The following CORO1C variants were observed in gnomAD, a reference collection of about 807,000 sequenced individuals.
CORO1C encodes the protein coronin-1C.
Under a neutral mutation model 51.2 loss-of-function variants are expected in CORO1C, and 14 were observed. The ratio of observed to expected loss-of-function variants is 0.27; its 90% CI spans 0.18 to 0.43. CORO1C has a LOEUF of 0.43. Among genes scored for constraint, CORO1C ranks in the 20% least tolerant of loss-of-function variants. The pLI, the probability that CORO1C is intolerant of heterozygous loss-of-function variation, is 1.00. For missense variants in CORO1C, 417 were observed against 607.8 expected (o/e 0.69, Z 3.30); for synonymous variants, 181 against 210.5 (o/e 0.86, Z 1.21).
intron 1 of CORO1C, among the ~76,000 whole-genome samples, chr12:108,724,836 C>T (rs2035550397): frequency 6.6e-6 from 1 of 152,172 alleles, no homozygotes. Context: ...ATTAATTACT[C>T]ATTACTGCAG....
intron 2 of CORO1C, among the ~76,000 whole-genome samples, chr12:108,690,461 G>A (rs188799796): frequency 8.0e-4 from 122 of 152,300 alleles, no homozygotes; most frequent in African/African-American, 2.8e-3. Context: ...AATAATTTTT[G>A]CATCACAGAT....
At chr12:108,652,845 T>TCACAGACCTCAGGGCACCA (rs57173285) in intron 7 of CORO1C, among the ~76,000 whole-genome samples, 2 of 151,916 alleles carry the variant, frequency 1.3e-5, no homozygotes, top group Non-Finnish European at 2.9e-5. Flanking sequence ...GCAATGCTGT[T>TCACAGACCTCAGGGCACCA]ATGCCAGTAT....
At chr12:108,703,656 T>G (rs1403399400) in intron 1 of CORO1C, among the ~76,000 whole-genome samples, 1 of 152,142 alleles carries the variant, frequency 6.6e-6, no homozygotes, top group African/African-American at 2.4e-5. Context: ...GGAGAGGGAC[T>G]ACAGAGAAAA....
At chr12:108,700,414 T>C (rs933875178) in intron 2 of CORO1C, among the ~76,000 whole-genome samples, 3 of 152,180 alleles carry the variant, frequency 2.0e-5, no homozygotes, top group African/African-American at 7.2e-5. Context: ...GGTCAGCAAA[T>C]GCACAAAATT....
At chr12:108,690,186 T>C (rs906048791) in intron 2 of CORO1C, among the ~76,000 whole-genome samples, 1 of 152,156 alleles carries the variant, frequency 6.6e-6, no homozygotes. Flanking sequence ...ATATGACTTG[T>C]GCACAGGCTG....
rs1367024560 is a variant in CORO1C, at chr12:108,719,076, G to A, written c.-6+12353C>T. Among the ~76,000 whole-genome samples the A allele has an allele frequency of 1.3e-5, 2 of 152,148 alleles. 1 individual carries two copies. The highest frequency in any genetic ancestry group is 2.9e-5 in the Non-Finnish European group (2 of 68,018). Reference sequence around the variant, plus strand: ...ATCAGCTGTAGCTGGTAAAACTGTAGCCCTAACTCTCCCAAATCCATTTTC... The same window carrying A: ...ATCAGCTGTAGCTGGTAAAACTGTAACCCTAACTCTCCCAAATCCATTTTC... On this transcript the variant is annotated intron_variant, in intron 1 of 10. Transcript: ENST00000261401.
At chr12:108,708,871 G>A (rs2035103287) in intron 1 of CORO1C, among the ~76,000 whole-genome samples, 2 of 151,944 alleles carry the variant, frequency 1.3e-5, no homozygotes, top group East Asian at 3.9e-4. Context: ...TCCCACCTCA[G>A]CCTCCCAAGT....
At chr12:108,704,468 T>C (rs927471222) in intron 1 of CORO1C, among the ~76,000 whole-genome samples, 2 of 142,392 alleles carry the variant, frequency 1.4e-5, no homozygotes, top group African/African-American at 5.4e-5. Context: ...CAAGATTCCA[T>C]CTCAAAAAAA....
intron 1 of CORO1C, among the ~76,000 whole-genome samples, chr12:108,704,073 C>T (rs1429067103): frequency 6.6e-6 from 1 of 152,174 alleles, no homozygotes; most frequent in East Asian, 1.9e-4. Context: ...AGGCCAGATA[C>T]CATCTAACCT....
At chr12:108,705,562 C>A (rs1326455615) in intron 1 of CORO1C, among the ~76,000 whole-genome samples, 1 of 150,462 alleles carries the variant, frequency 6.6e-6, no homozygotes, top group African/African-American at 2.4e-5. Context: ...TTAAAAAATA[C>A]CAAGTACTCA....
At chr12:108,662,453 T>C (rs2033312215) in intron 3 of CORO1C, among the ~76,000 whole-genome samples, 1 of 152,216 alleles carries the variant, frequency 6.6e-6, no homozygotes, top group African/African-American at 2.4e-5. Flanking sequence ...GCAATTCTCC[T>C]GCCTCAGACT....
chr12:108,652,358 G>C lies in CORO1C; in HGVS notation c.915C>G (p.Leu305=), dbSNP rs781521935. Residue 305 remains leucine, a synonymous_variant, in exon 8 of 11, where the codon CTC becomes CTG. Transcript: ENST00000261401. The part of the protein sequence containing the change: ...ITDESPYVHY[L]NTFSSKEPQR... ...GAGGCTCCTTGCTGCTGAATGTGTT[G>C]AGGTAGTGGACGTACGGGGATTCAT... 15 of 1,613,614 alleles carry C rather than the reference G, an allele frequency of 9.3e-6. No homozygotes were observed. The highest frequency in any genetic ancestry group is 5.5e-5 in the South Asian group (5 of 91,076).
intron 2 of CORO1C, among the ~76,000 whole-genome samples, chr12:108,680,649 G>C (rs1484549075): frequency 6.6e-6 from 1 of 152,098 alleles, no homozygotes; most frequent in African/African-American, 2.4e-5. Flanking sequence ...GCTGATGTGA[G>C]GACTAAATGA....
chr12:108,656,577 A>G (rs1253719827), intron 6 of CORO1C, among the ~76,000 whole-genome samples: 1 of 152,246 alleles, frequency 6.6e-6, no homozygotes, highest in Non-Finnish European at 1.5e-5. Flanking sequence ...AGAACGGGCC[A>G]TGATGACGAT....
intron 1 of CORO1C, among the ~76,000 whole-genome samples, chr12:108,712,148 G>A (rs539475117): frequency 6.6e-6 from 1 of 152,310 alleles, no homozygotes; most frequent in East Asian, 1.9e-4. Flanking sequence ...TACCTGTATG[G>A]CAGGTACTTT....
chr12:108,653,654 C>T (rs544146425), intron 7 of CORO1C, among the ~76,000 whole-genome samples: 2 of 152,312 alleles, frequency 1.3e-5, no homozygotes, highest in African/African-American at 4.8e-5. Flanking sequence ...GTATGCTGAG[C>T]TCATAAGGCA....
intron 3 of CORO1C, among the ~76,000 whole-genome samples, chr12:108,671,714 A>G (rs1380450652): frequency 1.3e-5 from 2 of 152,218 alleles, no homozygotes; most frequent in Non-Finnish European, 2.9e-5. Flanking sequence ...AGAAAATGGA[A>G]TAAGGTATTT....
chr12:108,652,043 T>C (rs1341495411), intron 8 of CORO1C: 1 of 262,626 alleles, frequency 3.8e-6, no homozygotes, highest in African/African-American at 2.6e-5. Flanking sequence ...AAAAGTGAGA[T>C]TTTTTTCTTT....
chr12:108,661,553 T>C (rs1414450217), intron 4 of CORO1C, among the ~76,000 whole-genome samples: 3 of 152,208 alleles, frequency 2.0e-5, no homozygotes, highest in African/African-American at 7.2e-5. Context: ...CTTTTGTTTA[T>C]ATATGTTCTC....
Sources: allele counts gnomAD v4.1 joint callset (sites outside exome capture counted in the v4.1 genomes callset), GRCh38; gene constraint gnomAD v4.1.1; transcripts MANE v1.5; gene names NCBI Gene and HGNC (gene_info 2026-07-23, HGNC 2026-07-21).